ARHGAP26: variants seen among roughly 807,000 people sequenced by gnomAD.
ARHGAP26 encodes the protein Rho GTPase activating protein 26.
Under a neutral mutation model 104.8 loss-of-function variants are expected in ARHGAP26, and 38 were observed. That is an observed-to-expected ratio of 0.36 (90% CI 0.28 to 0.48). The LOEUF is 0.48. Ranked by LOEUF, ARHGAP26 falls within the 20% of genes least tolerant of loss-of-function variation. The pLI is 0.99. For missense variants in ARHGAP26, 704 were observed against 947.9 expected (o/e 0.74, Z 3.38); for synonymous variants, 341 against 340.0 (o/e 1.00, Z -0.03).
chr5:143,202,828 G>T (rs1562602294), intron 20 of ARHGAP26: 1 of 152,140 alleles, frequency 6.6e-6, no homozygotes, highest in Non-Finnish European at 1.5e-5. Flanking sequence ...AATGGGGAAA[G>T]GATTTCCTAT....
rs200526144 is a variant in ARHGAP26 at position 142,838,351 on chromosome 5, TC to T, written c.155-35048del. Among the ~76,000 whole-genome samples, 548 of 152,366 alleles carry T rather than the reference TC, an allele frequency of 3.6e-3. 3 individuals carry two copies. The highest frequency in any genetic ancestry group is 0.014 in the Middle Eastern group (4 of 294). ...AACAAGGAAATAGGTTTTGCATTTT[TC>T]TTCCTCCTTATAGCCAAGCTTTCAT... On this transcript the variant is annotated intron_variant, in intron 1 of 22. Transcript: ENST00000645722.
chr5:142,902,181 G>A (rs569197867), intron 7 of ARHGAP26, 142 bp downstream of exon 7: 3 of 639,492 alleles, frequency 4.7e-6, no homozygotes, highest in African/African-American at 1.8e-5. Context: ...GAAACTAGGG[G>A]CAGGCGTTTC....
chr5:143,038,547 C>T (rs1401722704), intron 13 of ARHGAP26, among the ~76,000 whole-genome samples: 2 of 151,938 alleles, frequency 1.3e-5, no homozygotes, highest in African/African-American at 4.8e-5. Flanking sequence ...ATGTTTACAC[C>T]GTGGTGATGT....
intron 1 of ARHGAP26, among the ~76,000 whole-genome samples, chr5:142,824,657 T>A (rs1265563400): frequency 6.6e-6 from 1 of 152,194 alleles, no homozygotes; most frequent in African/African-American, 2.4e-5. Context: ...CAGCTGCTAC[T>A]GTGCTTAACT....
chr5:143,099,196 G>T (rs920081075), intron 17 of ARHGAP26, among the ~76,000 whole-genome samples: 1 of 152,194 alleles, frequency 6.6e-6, no homozygotes, highest in African/African-American at 2.4e-5. Flanking sequence ...CTTTGCAGAA[G>T]CTGAGTCTTC....
chr5:142,807,000 A>G (rs79993317), intron 1 of ARHGAP26, among the ~76,000 whole-genome samples: 2,067 of 152,296 alleles, frequency 0.014, 48 homozygotes, highest in African/African-American at 0.047. Context: ...CAGGCTTGCT[A>G]TACTGTGCCC....
intron 1 of ARHGAP26, among the ~76,000 whole-genome samples, chr5:142,778,662 C>T (rs1252951003): frequency 5.9e-5 from 9 of 152,254 alleles, no homozygotes; most frequent in South Asian, 2.1e-4. Context: ...TATTAGAAGG[C>T]GTGCTGCAGT....
intron 14 of ARHGAP26, among the ~76,000 whole-genome samples, chr5:143,051,726 C>G (rs980571588): frequency 2.6e-5 from 4 of 152,194 alleles, no homozygotes; most frequent in African/African-American, 9.7e-5. Flanking sequence ...ATTTGACTCT[C>G]CTCTCTAATG....
intron 2 of ARHGAP26, among the ~76,000 whole-genome samples, chr5:142,874,296 A>C (rs529149435): frequency 2.0e-5 from 3 of 152,218 alleles, no homozygotes; most frequent in Non-Finnish European, 4.4e-5. Context: ...CTATTCTTCT[A>C]TAGGCACCTT....
At chr5:143,157,774 C>T (rs544319274) in intron 20 of ARHGAP26, among the ~76,000 whole-genome samples, 2 of 152,084 alleles carry the variant, frequency 1.3e-5, no homozygotes, top group Non-Finnish European at 2.9e-5. Context: ...AATAGCTTTC[C>T]GAAGACTGAA....
At chr5:142,884,522 C>T (rs958015811) in intron 4 of ARHGAP26, among the ~76,000 whole-genome samples, 1 of 152,170 alleles carries the variant, frequency 6.6e-6, no homozygotes, top group Non-Finnish European at 1.5e-5. Flanking sequence ...AAATTCCCAC[C>T]TCATCTTTGT....
chr5:142,821,868 T>C (rs996615177), intron 1 of ARHGAP26, among the ~76,000 whole-genome samples: 3 of 152,206 alleles, frequency 2.0e-5, no homozygotes, highest in Non-Finnish European at 2.9e-5. Flanking sequence ...GTATTGGTGC[T>C]CAGCTGCTTA....
intron 14 of ARHGAP26, among the ~76,000 whole-genome samples, chr5:143,049,330 T>C (rs1487731683): frequency 6.6e-6 from 1 of 152,194 alleles, no homozygotes; most frequent in African/African-American, 2.4e-5. Context: ...TTGATTGTGA[T>C]TATTATTTTG....
chr5:142,819,949 G>A (rs1406146669), intron 1 of ARHGAP26, among the ~76,000 whole-genome samples: 10 of 152,162 alleles, frequency 6.6e-5, no homozygotes, highest in Non-Finnish European at 1.5e-5. Flanking sequence ...GGCCTGTGAA[G>A]CCCTTGAAGT....
chr5:143,091,704 G>T (rs1027533222), intron 17 of ARHGAP26, among the ~76,000 whole-genome samples: 15 of 152,168 alleles, frequency 9.9e-5, no homozygotes, highest in African/African-American at 3.4e-4. Context: ...GATTTTTATA[G>T]ACTCTTTTTA....
At chr5:142,781,689 A>T (rs1757516436) in intron 1 of ARHGAP26, among the ~76,000 whole-genome samples, 1 of 152,160 alleles carries the variant, frequency 6.6e-6, no homozygotes, top group Non-Finnish European at 1.5e-5. Flanking sequence ...ATAAACACTG[A>T]TAAGTTATAG....
chr5:143,104,501 A>C (rs958110930), intron 17 of ARHGAP26, among the ~76,000 whole-genome samples: 1 of 152,344 alleles, frequency 6.6e-6, no homozygotes, highest in East Asian at 1.9e-4. Flanking sequence ...AGAGAGTGAG[A>C]ACCTGTCTCA....
intron 11 of ARHGAP26, among the ~76,000 whole-genome samples, chr5:142,960,665 A>G (rs1770083493): frequency 6.6e-6 from 1 of 152,242 alleles, no homozygotes; most frequent in Non-Finnish European, 1.5e-5. Flanking sequence ...AAAATGGTTT[A>G]AAGTTTAGTA....
intron 17 of ARHGAP26, among the ~76,000 whole-genome samples, chr5:143,072,789 T>TAGGG (rs536957000): frequency 8.6e-5 from 13 of 151,942 alleles, no homozygotes; most frequent in Non-Finnish European, 1.8e-4. Flanking sequence ...AAAGGGAGGA[T>TAGGG]AGGGAAGGAT....
Sources: gnomAD v4.1 joint callset for allele counts (sites outside exome capture counted in the v4.1 genomes callset) on GRCh38, gnomAD v4.1.1 for gene constraint, MANE v1.5 for transcripts, NCBI Gene and HGNC (gene_info 2026-07-23, HGNC 2026-07-21) for gene names.